CFAP54: variants seen among roughly 807,000 people sequenced by gnomAD.
The protein encoded by CFAP54 is cilia and flagella associated protein 54, also known as cilia- and flagella-associated protein 54.
Under a neutral mutation model 370.4 loss-of-function variants are expected in CFAP54, and 290 were observed. The observed-to-expected ratio is 0.78, with a 90% CI of 0.71 to 0.86. CFAP54 has a LOEUF of 0.86. Among genes scored for constraint, CFAP54 ranks in the 40% least tolerant of loss-of-function variants. The pLI, the probability that CFAP54 is intolerant of heterozygous loss-of-function variation, is 0.00. For missense variants in CFAP54, 3,399 were observed against 3,528.7 expected (o/e 0.96, Z 0.93); for synonymous variants, 1,206 against 1,236.5 (o/e 0.98, Z 0.52).
rs117923265 is a variant in CFAP54 at position 96,692,850 on chromosome 12, C to G, written c.6265-872C>G. Among the ~76,000 whole-genome samples, 436 of 152,268 alleles carry G rather than the reference C, an allele frequency of 2.9e-3. 1 individual carries two copies. The highest frequency in any genetic ancestry group is 6.8e-3 in the Middle Eastern group (2 of 294). On this transcript the variant is annotated intron_variant, in intron 44 of 67. Transcript: ENST00000524981. ...CTGTGGAGCTATGGGAAATAGTTTG[C>G]TAACTAATGGGGATCCCAATCTCCC...
chr12:96,740,492 A>G (rs747484977), intron 51 of CFAP54, among the ~76,000 whole-genome samples: 2 of 152,222 alleles, frequency 1.3e-5, no homozygotes, highest in Admixed American at 6.5e-5. Context: ...CTTGCATTCA[A>G]GCTCTCAAAT....
chr12:96,796,559 T>G (rs764524794), intron 63 of CFAP54, among the ~76,000 whole-genome samples: 5 of 152,198 alleles, frequency 3.3e-5, no homozygotes, highest in Admixed American at 6.5e-5. Flanking sequence ...ACTAGTGTAC[T>G]GGTTTTCGGA....
intron 63 of CFAP54, among the ~76,000 whole-genome samples, chr12:96,802,220 C>G (rs1000150542): frequency 3.9e-5 from 6 of 152,082 alleles, no homozygotes; most frequent in Non-Finnish European, 5.9e-5. Context: ...GCGGTGAGAT[C>G]GAGACTCAAG....
At chr12:96,869,505 G>T (rs1960092731) in intron 67 of CFAP54, among the ~76,000 whole-genome samples, 1 of 152,162 alleles carries the variant, frequency 6.6e-6, no homozygotes, top group Non-Finnish European at 1.5e-5. Flanking sequence ...AAGAGAAACA[G>T]TTCTGCAGGA....
chr12:96,549,523 A>G (rs2136395809), intron 15 of CFAP54, among the ~76,000 whole-genome samples: 1 of 152,356 alleles, frequency 6.6e-6, no homozygotes, highest in East Asian at 1.9e-4. Flanking sequence ...GCAATACACA[A>G]TCTGCTCAGC....
intron 50 of CFAP54, among the ~76,000 whole-genome samples, chr12:96,737,436 C>T (rs1251989485): frequency 6.7e-6 from 1 of 148,748 alleles, no homozygotes; most frequent in Non-Finnish European, 1.5e-5. Context: ...AATGTTAGCA[C>T]AATATTTTCA....
rs115683524 is a variant in CFAP54 at position 96,577,021 on chromosome 12, T to G, written c.2796+260T>G. On this transcript the variant is annotated intron_variant, in intron 20 of 67. Coordinates refer to ENST00000524981, the MANE Select transcript of CFAP54 (RefSeq NM_001306084.2). ...TTAGGAGAAACAGTAGAGAAGCACC[T>G]CCTTGTAAGTATCCTTGTCACCATG... is the stretch of plus-strand genomic sequence containing the variant. 9.5e-3 allele frequency among the ~76,000 whole-genome samples: 1,451 copies of G among 152,316 alleles called. 26 individuals carry two copies. The highest frequency in any genetic ancestry group is 0.034 in the African/African-American group (1,398 of 41,574).
rs146736461 is a variant in CFAP54 at position 96,847,511 on chromosome 12, A to G, written c.9172-13308A>G. ...AGTATATAAAAGATGGTCAGTTCCAACTGTTTTAGGAGCTCTGTGCCAGGA... is the reference window on the plus strand; with the variant it reads ...AGTATATAAAAGATGGTCAGTTCCAGCTGTTTTAGGAGCTCTGTGCCAGGA... On this transcript the variant is annotated intron_variant, in intron 66 of 67. Coordinates refer to ENST00000524981, the MANE Select transcript of CFAP54 (RefSeq NM_001306084.2). Among the ~76,000 whole-genome samples the G allele has an allele frequency of 3.4e-3, 524 of 152,334 alleles. 4 individuals are homozygous for G. The highest frequency in any genetic ancestry group is 0.012 in the African/African-American group (496 of 41,584).
chr12:96,609,464 T>C (rs1389404790), intron 26 of CFAP54, among the ~76,000 whole-genome samples: 3 of 152,168 alleles, frequency 2.0e-5, no homozygotes, highest in Admixed American at 6.5e-5. Context: ...TTTACCAACA[T>C]TTTACAGCAA....
chr12:96,567,338 G>A lies in CFAP54; in HGVS notation c.2619+2573G>A, dbSNP rs73237109. Reference sequence around the variant, plus strand: ...GATGTGTTCATAAGAAGTATTTTTCGCCAAGCTAAGAATTTTGGATGGACA... The same window carrying A: ...GATGTGTTCATAAGAAGTATTTTTCACCAAGCTAAGAATTTTGGATGGACA... On this transcript the variant is annotated intron_variant, in intron 19 of 67. Transcript: ENST00000524981. Among the ~76,000 whole-genome samples, 468 of 152,230 alleles carry A rather than the reference G, an allele frequency of 3.1e-3. 2 individuals are homozygous for A. The highest frequency in any genetic ancestry group is 5.5e-3 in the Non-Finnish European group (377 of 68,002).
At chr12:96,753,565 T>C (rs2136656687) in intron 55 of CFAP54, among the ~76,000 whole-genome samples, 178 bp from the exon 56 acceptor site, 1 of 152,312 alleles carries the variant, frequency 6.6e-6, no homozygotes, top group East Asian at 1.9e-4. Flanking sequence ...ATTACTGTAG[T>C]TCATTGAAAT....
At chr12:96,732,348 T>G (rs1263148483) in intron 50 of CFAP54, among the ~76,000 whole-genome samples, 1 of 152,106 alleles carries the variant, frequency 6.6e-6, no homozygotes, top group African/African-American at 2.4e-5. Context: ...GCCAGGCTGG[T>G]CTCAAACTTC....
intron 48 of CFAP54, among the ~76,000 whole-genome samples, chr12:96,714,558 A>G (rs572005361): frequency 6.6e-6 from 1 of 152,184 alleles, no homozygotes; most frequent in Non-Finnish European, 1.5e-5. Context: ...CTGAGAAAGG[A>G]TGAGTGAACA....
intron 3 of CFAP54, among the ~76,000 whole-genome samples, chr12:96,506,622 T>C (rs987187589): frequency 1.3e-5 from 2 of 150,978 alleles, no homozygotes; most frequent in African/African-American, 4.9e-5. Context: ...GTTTCTCTCT[T>C]GTCACCCAGG....
At chr12:96,646,190 G>A (rs1342231290) in intron 33 of CFAP54, 1 of 152,094 alleles carries the variant, frequency 6.6e-6, no homozygotes, top group Non-Finnish European at 1.5e-5. Flanking sequence ...GAAAATTTTT[G>A]CAATCTACTC....
chr12:96,718,758 G>T (rs1238630824), intron 49 of CFAP54, among the ~76,000 whole-genome samples: 1 of 152,312 alleles, frequency 6.6e-6, no homozygotes, highest in Non-Finnish European at 1.5e-5. Context: ...ATATGATTCG[G>T]CTGGGCGCGG....
At chr12:96,639,483 C>T (rs1480135260) in intron 32 of CFAP54, among the ~76,000 whole-genome samples, 2 of 152,148 alleles carry the variant, frequency 1.3e-5, no homozygotes, top group South Asian at 2.1e-4. Context: ...GATTCACAGC[C>T]GAATTCTACC....
intron 26 of CFAP54, among the ~76,000 whole-genome samples, chr12:96,621,205 A>G (rs188363405): frequency 8.2e-4 from 125 of 152,344 alleles, no homozygotes; most frequent in Admixed American, 6.9e-3. Flanking sequence ...TTTCCTATAG[A>G]AAGCAACTCA....
chr12:96,723,717 G>C (rs2136614011), intron 50 of CFAP54, among the ~76,000 whole-genome samples: 1 of 150,532 alleles, frequency 6.6e-6, no homozygotes, highest in South Asian at 2.1e-4. Context: ...TAGGGTACAT[G>C]TGCACAGTGT....
Sources: gnomAD v4.1 joint callset for allele counts (sites outside exome capture counted in the v4.1 genomes callset) on GRCh38, gnomAD v4.1.1 for gene constraint, MANE v1.5 for transcripts, NCBI Gene and HGNC (gene_info 2026-07-23, HGNC 2026-07-21) for gene names.